The following WDR72 variants were observed in gnomAD, a reference collection of about 807,000 sequenced individuals.
WDR72 encodes the protein WD repeat domain 72.
Under a neutral mutation model 124.2 loss-of-function variants are expected in WDR72, and 120 were observed. That is an observed-to-expected ratio of 0.97 (90% CI 0.83 to 1.12). WDR72 has a LOEUF of 1.12. Ranked by LOEUF, WDR72 falls within the 50% of genes most tolerant of loss-of-function variation. The pLI is 0.00. For missense variants in WDR72, 1,387 were observed against 1,278.8 expected (o/e 1.08, Z -1.29); for synonymous variants, 452 against 441.7 (o/e 1.02, Z -0.29).
intron 19 of WDR72, among the ~76,000 whole-genome samples, chr15:53,522,775 T>A (rs2140209949): frequency 6.6e-6 from 1 of 152,186 alleles, no homozygotes; most frequent in Non-Finnish European, 1.5e-5. Context: ...AATCCTGTCA[T>A]CCCAGTTACA....
At chr15:53,683,595 T>A (rs747297110) in intron 13 of WDR72, among the ~76,000 whole-genome samples, 1 of 152,148 alleles carries the variant, frequency 6.6e-6, no homozygotes, top group Non-Finnish European at 1.5e-5. Flanking sequence ...GCTCTCTTTC[T>A]TACATTATGT....
chr15:53,658,181 G>T (rs1285031261), intron 14 of WDR72, among the ~76,000 whole-genome samples: 2 of 152,116 alleles, frequency 1.3e-5, no homozygotes, highest in Non-Finnish European at 2.9e-5. Flanking sequence ...GAAAGCAATA[G>T]TCAGCTAAAA....
intron 19 of WDR72, among the ~76,000 whole-genome samples, chr15:53,519,454 T>TTATTCCCACAGGTTTCAGGAAG (rs1360258940): frequency 2.0e-5 from 3 of 152,084 alleles, no homozygotes; most frequent in African/African-American, 7.2e-5. Flanking sequence ...GACATCAAAG[T>TTATTCCCACAGGTTTCAGGAAG]TATTCCCACA....
intron 18 of WDR72, among the ~76,000 whole-genome samples, chr15:53,594,571 T>C (rs1342603632): frequency 1.3e-5 from 2 of 150,994 alleles, no homozygotes; most frequent in Non-Finnish European, 2.9e-5. Context: ...TTCTAAAAAT[T>C]CTATCAACCA....
chr15:53,555,565 TA>T (rs1566958648), intron 18 of WDR72, among the ~76,000 whole-genome samples: 1 of 152,110 alleles, frequency 6.6e-6, no homozygotes, highest in African/African-American at 2.4e-5. Flanking sequence ...GTAATAAATA[TA>T]TTTTTTTGTT....
chr15:53,660,059 T>C (rs1251122472), intron 14 of WDR72, among the ~76,000 whole-genome samples: 1 of 151,990 alleles, frequency 6.6e-6, no homozygotes, highest in Non-Finnish European at 1.5e-5. Context: ...AAAAAATTGA[T>C]ATAGAATATT....
At chr15:53,580,487 T>C (rs1468823065) in intron 18 of WDR72, among the ~76,000 whole-genome samples, 1 of 151,950 alleles carries the variant, frequency 6.6e-6, no homozygotes, top group Non-Finnish European at 1.5e-5. Context: ...CTGAACTGAG[T>C]CCATGCCAGG....
At chr15:53,556,018 C>T (rs1389313578) in intron 18 of WDR72, among the ~76,000 whole-genome samples, 1 of 152,072 alleles carries the variant, frequency 6.6e-6, no homozygotes, top group African/African-American at 2.4e-5. Flanking sequence ...CCAAAATATA[C>T]AGTAAAATCT....
intron 3 of WDR72, 134 bp from the exon 4 acceptor site, chr15:53,716,819 ATGT>A: frequency 1.4e-6 from 1 of 712,562 alleles, no homozygotes; most frequent in Non-Finnish European, 2.6e-6. Flanking sequence ...GGGCAAGAAA[ATGT>A]TGTGGTCATT....
At chr15:53,752,284 T>A (rs780006412) in intron 1 of WDR72, among the ~76,000 whole-genome samples, 28 of 152,206 alleles carry the variant, frequency 1.8e-4, no homozygotes, top group Non-Finnish European at 1.5e-5. Flanking sequence ...AAGCCCTAAC[T>A]CGGAGTACCT....
At chr15:53,718,817 T>TTTTTAAAAATTTTAAAAATCTTAAGAA (rs2017790084) in intron 3 of WDR72, among the ~76,000 whole-genome samples, 2 of 132,106 alleles carry the variant, frequency 1.5e-5, no homozygotes, top group Non-Finnish European at 3.5e-5. Flanking sequence ...AACCTTAAGA[T>TTTTTAAAAATTTTAAAAATCTTAAGAA]TTTTAAAAAT....
chr15:53,669,709 A>G (rs1030419336), intron 13 of WDR72, among the ~76,000 whole-genome samples: 3 of 152,230 alleles, frequency 2.0e-5, no homozygotes, highest in Admixed American at 6.5e-5. Flanking sequence ...GAACATCTAC[A>G]GCAAAAAAAT....
At chr15:53,711,749 A>T (rs940785614) in intron 7 of WDR72, among the ~76,000 whole-genome samples, 3 of 152,180 alleles carry the variant, frequency 2.0e-5, no homozygotes, top group African/African-American at 7.2e-5. Context: ...ATTTCTAAGT[A>T]ATTTTATTCT....
intron 19 of WDR72, among the ~76,000 whole-genome samples, chr15:53,518,238 T>C (rs761797887): frequency 1.3e-5 from 2 of 152,102 alleles, no homozygotes; most frequent in Non-Finnish European, 2.9e-5. Context: ...ACTTGGATGA[T>C]TGCCTTTGTA....
At chr15:53,659,075 T>A (rs1197043779) in intron 14 of WDR72, among the ~76,000 whole-genome samples, 1 of 152,204 alleles carries the variant, frequency 6.6e-6, no homozygotes, top group Non-Finnish European at 1.5e-5. Flanking sequence ...CAAATGGCAC[T>A]TTGCCACACA....
At chr15:53,685,459 C>A (rs2016585031) in intron 13 of WDR72, among the ~76,000 whole-genome samples, 1 of 136,256 alleles carries the variant, frequency 7.3e-6, no homozygotes. Flanking sequence ...GAAAGGGTAT[C>A]AGTGATGGAA....
At position 53,726,846 on chromosome 15, in the gene WDR72, G is replaced by A. The variant is rs182805810; in HGVS notation, c.154-3938C>T. 4.0e-4 allele frequency among the ~76,000 whole-genome samples: 60 copies of A among 151,332 alleles called. No homozygotes were observed. The East Asian group carries it at 0.011, about 28-fold the overall frequency. ...GTGACAGAGTGAGATCCCATCTCAA[G>A]AAAAAACAAACACCCAATTTTAAAA... On this transcript the variant is annotated intron_variant, in intron 2 of 19. Transcript: ENST00000360509.
chr15:53,682,625 T>C (rs1003727596), intron 13 of WDR72, among the ~76,000 whole-genome samples: 3 of 152,106 alleles, frequency 2.0e-5, no homozygotes, highest in Non-Finnish European at 1.5e-5. Context: ...CCCTAAATCA[T>C]CTCTCTCAAA....
intron 6 of WDR72, 31 bp from the exon 7 acceptor site, chr15:53,712,922 A>T: frequency 6.2e-7 from 1 of 1,611,086 alleles, no homozygotes; most frequent in South Asian, 1.1e-5. Context: ...TTTTAGTACT[A>T]GTTCCAGGTA....
Sources: gnomAD v4.1 joint callset for allele counts (sites outside exome capture counted in the v4.1 genomes callset) on GRCh38, gnomAD v4.1.1 for gene constraint, MANE v1.5 for transcripts, NCBI Gene and HGNC (gene_info 2026-07-23, HGNC 2026-07-21) for gene names.